The following TNXB variants were observed in gnomAD, a reference collection of about 807,000 sequenced individuals.
The protein encoded by TNXB is tenascin XB, also known as tenascin-X.
TNXB carries 183 observed loss-of-function variants against 340.5 expected under a neutral mutation model. That is an observed-to-expected ratio of 0.54 (90% CI 0.48 to 0.61). The LOEUF is 0.61. Ranked by LOEUF, TNXB falls within the 20% of genes least tolerant of loss-of-function variation. The probability of loss-of-function intolerance (pLI) is 0.00; values close to 1 mark genes in which losing one functional copy is unlikely to be tolerated. For synonymous variants in TNXB, 2,121 were observed against 2,314.5 expected (o/e 0.92, Z 2.40); for missense variants, 4,613 against 5,446.4 (o/e 0.85, Z 4.82).
In TNXB at chr6:32,080,079, G is replaced by T. The variant is rs1779348923; in HGVS notation, c.4043-714C>A. On this transcript the variant is annotated intron_variant, in intron 10 of 43. Transcript: ENST00000644971. This position sits in a 1 kb window ranked among gnomAD's most constrained non-coding sequence, Gnocchi z 4.3. Reference sequence around the variant, plus strand: ...AAGAATTGGCAAGAATGACAACCCAGAGGAAGGGAGGGAGGTGGGGAGCAA... The same window carrying T: ...AAGAATTGGCAAGAATGACAACCCATAGGAAGGGAGGGAGGTGGGGAGCAA... Among the ~76,000 whole-genome samples the T allele has an allele frequency of 6.6e-6, 1 of 152,236 alleles. No individual in the cohort carries two copies. The highest frequency in any genetic ancestry group is 1.5e-5 in the Non-Finnish European group (1 of 68,042).
chr6:32,099,726 G>GAA (rs72548029), intron 1 of TNXB, among the ~76,000 whole-genome samples: 98 of 126,768 alleles, frequency 7.7e-4, no homozygotes, highest in African/African-American at 2.7e-3. Flanking sequence ...ATCTCCAATT[G>GAA]AAAAAAAAAA....
chr6:32,046,073 C>T lies in TNXB; in HGVS notation c.10606+102G>A, dbSNP rs147384090. The T allele has an allele frequency of 6.5e-4, 970 of 1,489,308 alleles. 7 individuals are homozygous for T. The Middle Eastern group carries it at 8.3e-3, about 13-fold the overall frequency. The allele number at this position is 1,489,308 out of a possible 1,614,324, so 92.3% of individuals were successfully genotyped here. On this transcript the variant is annotated intron_variant, in intron 31 of 43. Transcript: ENST00000644971. This position sits in a 1 kb window ranked among gnomAD's most constrained non-coding sequence, Gnocchi z 6.9. ...TTCCTGGGGACAGGCCAGGGCGCCC[C>T]ACTCCGGCCTGCCCACTCCTGCAGT...
intron 26 of TNXB, 96 bp from the exon 27 acceptor site, chr6:32,050,417 G>A (rs1195619169): frequency 2.0e-6 from 3 of 1,473,760 alleles, no homozygotes; most frequent in African/African-American, 2.8e-5. Flanking sequence ...AGAACAGGAC[G>A]ATGCTGCCCA....
At position 32,059,987 on chromosome 6, in the gene TNXB, C is replaced by T. The variant is rs569353348; in HGVS notation, c.7492+1410G>A. On this transcript the variant is annotated intron_variant, in intron 21 of 43. Coordinates refer to ENST00000644971, the MANE Select transcript of TNXB (RefSeq NM_001365276.2). ...GGAATTCAATTAACCTCATGATCTC[C>T]ACCCCTCCAATTTCTTATGGACTAG... 2.9e-4 allele frequency among the ~76,000 whole-genome samples: 44 copies of T among 152,098 alleles called. 2 individuals are homozygous for T. The highest frequency in any genetic ancestry group is 1.1e-3 in the African/African-American group (44 of 41,338).
chr6:32,088,711 G>A, intron 6 of TNXB, 74 bp downstream of exon 6: 1 of 1,515,732 alleles, frequency 6.6e-7, no homozygotes, highest in South Asian at 1.3e-5. Context: ...TGTGAGCCCT[G>A]AGCCTGGGCT....
At chr6:32,077,514 G>GA (rs1779143617) in intron 11 of TNXB, among the ~76,000 whole-genome samples, 1 of 152,164 alleles carries the variant, frequency 6.6e-6, no homozygotes, top group Non-Finnish European at 1.5e-5. Context: ...GTGAGCAAAG[G>GA]AAAAAAGAGA....
chr6:32,049,889 G>A lies in TNXB; in HGVS notation c.9439+109C>T. 2 of 1,531,834 alleles carry A rather than the reference G, an allele frequency of 1.3e-6. No homozygotes were observed. Among genetic ancestry groups the A allele is most frequent in the Admixed American group, 1.8e-5 (1 of 55,892 alleles). 94.9% of individuals were successfully genotyped at this position (1,531,834 alleles called of 1,614,324 possible). On this transcript the variant is annotated intron_variant, in intron 27 of 43. Transcript: ENST00000644971. The surrounding 1 kb of genome is among the most constrained non-coding windows in gnomAD (Gnocchi z 4.5). ...GGAGTCCCAGCCCCAGCCACAAGCA[G>A]TTCTGTGGTGCTGACCAGACCCCTG...
chr6:32,078,135 A>AAAGAAAGAAAGAAAG (rs1562845439), intron 11 of TNXB, among the ~76,000 whole-genome samples: 1 of 138,694 alleles, frequency 7.2e-6, no homozygotes, highest in Non-Finnish European at 1.6e-5. Flanking sequence ...AAGAAAGAAA[A>AAAGAAAGAAAGAAAG]AGAGAGAAAG....
Position 32,082,403 on chromosome 6 carries a change from C to A in TNXB, c.3446-77G>T. 1 of 1,397,116 alleles carries A rather than the reference C, an allele frequency of 7.2e-7. No homozygotes were observed. Among genetic ancestry groups the A allele is most frequent in the Admixed American group, 2.0e-5 (1 of 49,906 alleles). The allele number at this position is 1,397,116 out of a possible 1,614,324, so 86.5% of individuals were successfully genotyped here. A position where few individuals can be genotyped will look rare whatever the true frequency, so the allele number is the denominator to read the frequency against. ...GGAAGCCAAATCCCACATAGGAATG[C>A]TGTGTGAGGCTGTGCAGGTTGTTCA... On this transcript the variant is annotated intron_variant, in intron 8 of 43. Transcript: ENST00000644971. This position sits in a 1 kb window ranked among gnomAD's most constrained non-coding sequence, Gnocchi z 5.0.
chr6:32,081,914 A>G lies in TNXB; in HGVS notation c.3736+122T>C, dbSNP rs1027357077. On this transcript the variant is annotated intron_variant, in intron 9 of 43. Coordinates refer to ENST00000644971, the MANE Select transcript of TNXB (RefSeq NM_001365276.2). The surrounding 1 kb of genome is among the most constrained non-coding windows in gnomAD (Gnocchi z 5.1). Reference sequence around the variant, plus strand: ...GAGTCTGGCTGCCCCTCAGCCCTGGAGTGGGGCCGGGAAGCTGGAGTCAGC... The same window carrying G: ...GAGTCTGGCTGCCCCTCAGCCCTGGGGTGGGGCCGGGAAGCTGGAGTCAGC... 3.0e-6 allele frequency: 3 copies of G among 997,670 alleles called. No individual in the cohort carries two copies. The highest frequency in any genetic ancestry group is 4.4e-6 in the Non-Finnish European group (3 of 679,570). 61.8% of individuals were successfully genotyped at this position (997,670 alleles called of 1,614,324 possible). A position where few individuals can be genotyped will look rare whatever the true frequency, so the allele number is the denominator to read the frequency against.
rs1314727978 is a variant in TNXB at position 32,085,207 on chromosome 6, C to T, written c.3149-498G>A. 6.6e-6 allele frequency among the ~76,000 whole-genome samples: 1 copy of T among 152,090 alleles called. No homozygotes were observed. Among genetic ancestry groups the T allele is most frequent in the African/African-American group, 2.4e-5 (1 of 41,380 alleles). On this transcript the variant is annotated intron_variant, in intron 7 of 43. Coordinates refer to ENST00000644971, the MANE Select transcript of TNXB (RefSeq NM_001365276.2). This position sits in a 1 kb window ranked among gnomAD's most constrained non-coding sequence, Gnocchi z 6.4. Reference sequence around the variant, plus strand: ...TTTCACTGGTCCTGCAAACCTCATCCATGTCTGAAGTCCTGATGGCTGTGG... The same window carrying T: ...TTTCACTGGTCCTGCAAACCTCATCTATGTCTGAAGTCCTGATGGCTGTGG...
At position 32,063,847 on chromosome 6, in the gene TNXB, C is replaced by T. The variant is rs1470775495; in HGVS notation, c.6841+974G>A. 8.5e-5 allele frequency among the ~76,000 whole-genome samples: 13 copies of T among 152,112 alleles called. No homozygotes were observed. The South Asian group carries it at 2.3e-3, about 27-fold the overall frequency. ...AGAGCTTACAAAAGCATCAAAGAGC[C>T]GAGTTACAGGGTAATGAAAGGAAAA... On this transcript the variant is annotated intron_variant, in intron 19 of 43. Coordinates refer to ENST00000644971, the MANE Select transcript of TNXB (RefSeq NM_001365276.2).
At chr6:32,054,168 T>TGGG (rs1158039394) in intron 24 of TNXB, among the ~76,000 whole-genome samples, 1 of 152,064 alleles carries the variant, frequency 6.6e-6, no homozygotes, top group Non-Finnish European at 1.5e-5. Flanking sequence ...CGAGTTTCCC[T>TGGG]GGATACCTTC....
intron 1 of TNXB, among the ~76,000 whole-genome samples, chr6:32,099,208 C>A (rs1028574446): frequency 6.7e-6 from 1 of 149,470 alleles, no homozygotes; most frequent in East Asian, 2.0e-4. Flanking sequence ...AAGAAAAGTG[C>A]AGATTATCTT....
chr6:32,086,125 AG>A lies in TNXB; in HGVS notation c.2780-8del. 1 of 1,498,284 alleles carries A rather than the reference AG, an allele frequency of 6.7e-7. No homozygotes were observed. The highest frequency in any genetic ancestry group is 8.9e-7 in the Non-Finnish European group (1 of 1,120,510). The allele number at this position is 1,498,284 out of a possible 1,614,324, so 92.8% of individuals were successfully genotyped here. On this transcript the variant is annotated splice_polypyrimidine_tract_variant and splice_region_variant and intron_variant, in intron 6 of 43. Transcript: ENST00000644971. ...AGGCCCAAGGGTGAGGACCCTGGGAAGGGGCAGGGTGAGAAAAAGAGGAGAG... is the reference window on the plus strand; with the variant it reads ...AGGCCCAAGGGTGAGGACCCTGGGAAGGGCAGGGTGAGAAAAAGAGGAGAG...
At chr6:32,048,110 G>A (rs374684208) in intron 29 of TNXB, 98 bp from the exon 30 acceptor site, 14 of 1,426,866 alleles carry the variant, frequency 9.8e-6, no homozygotes, top group African/African-American at 2.8e-5. Context: ...TCCCAGGAAC[G>A]GGAGGGTGAC....
chr6:32,087,622 T>TGGGGGGGGGGGGGGGGGGGGGGGGGG lies in TNXB; in HGVS notation c.2779+1162_2779+1163insCCCCCCCCCCCCCCCCCCCCCCCCCC. 3.3e-5 allele frequency: 1 copy of TGGGGGGGGGGGGGGGGGGGGGGGGGG among 30,684 alleles called. No homozygotes were observed. Among genetic ancestry groups the TGGGGGGGGGGGGGGGGGGGGGGGGGG allele is most frequent in the Non-Finnish European group, 7.9e-5 (1 of 12,670 alleles). The allele number at this position is 30,684 out of a possible 1,614,324, so 1.9% of individuals were successfully genotyped here. A position where few individuals can be genotyped will look rare whatever the true frequency, so the allele number is the denominator to read the frequency against. ...ATCAGGGCTGGCGGTGGGGCGGGGG[T>TGGGGGGGGGGGGGGGGGGGGGGGGGG]GGCGGGGCGGGGGTGCGGGGGAGCC... is the stretch of plus-strand genomic sequence containing the variant. On this transcript the variant is annotated intron_variant, in intron 6 of 43. Coordinates refer to ENST00000644971, the MANE Select transcript of TNXB (RefSeq NM_001365276.2). The surrounding 1 kb of genome is among the most constrained non-coding windows in gnomAD (Gnocchi z 9.0).
intron 19 of TNXB, among the ~76,000 whole-genome samples, chr6:32,063,327 G>C (rs993875671): frequency 1.8e-4 from 28 of 151,912 alleles, no homozygotes; most frequent in Non-Finnish European, 4.4e-5. Context: ...GGCAGAGGTT[G>C]CAATGAGCTG....
In TNXB at chr6:32,052,762, C is replaced by G; in HGVS notation, c.9023G>C (p.Gly3008Ala). 1 of 1,613,762 alleles carries G rather than the reference C, an allele frequency of 6.2e-7. No individual in the cohort carries two copies. Among genetic ancestry groups the G allele is most frequent in the Non-Finnish European group, 8.5e-7 (1 of 1,179,866 alleles). ...GTATTTGCACCCGGGCTCCAGGCCC[C>G]CCACGGTGACCTCGCTCTCCTCGCC... ...VRGEESEVTVGGLEPGCKYKM... is the reference protein window; with the variant it reads ...VRGEESEVTVAGLEPGCKYKM... Residue 3008 changes from glycine (G) to alanine (A), a missense_variant, in exon 26 of 44, where the codon GGG (glycine) becomes GCG (alanine). Around this residue, in one of 7 missense-constraint regions of TNXB, gnomAD observed 4,327 missense variants for 4,859.4 expected, o/e 0.89. Transcript: ENST00000644971. The surrounding 1 kb of genome is among the most constrained non-coding windows in gnomAD (Gnocchi z 4.7).
Sources: gnomAD v4.1 joint callset for allele counts (sites outside exome capture counted in the v4.1 genomes callset) on GRCh38, gnomAD v4.1.1 for gene constraint, gnomAD v4.1.1 regional missense constraint, Gnocchi (gnomAD v3.1) non-coding constraint, MANE v1.5 for transcripts, NCBI Gene and HGNC (gene_info 2026-07-23, HGNC 2026-07-21) for gene names.